The following GRIP1 variants were observed in gnomAD, a reference collection of about 807,000 sequenced individuals.
GRIP1 encodes the protein glutamate receptor interacting protein 1, also known as glutamate receptor-interacting protein 1.
In GRIP1, 45 loss-of-function variants were observed where a neutral mutation model predicts 129.9. The observed-to-expected ratio is 0.35, with a 90% confidence interval of 0.27 to 0.44. The LOEUF (loss-of-function observed/expected upper bound fraction) is 0.44. GRIP1 is among the 20% of genes least tolerant of loss of function. GRIP1 has a pLI of 1.00. For missense variants in GRIP1, 1,196 were observed against 1,396.8 expected (o/e 0.86, Z 2.29); for synonymous variants, 530 against 520.8 (o/e 1.02, Z -0.24).
At chr12:66,414,643 T>C (rs1565714919) in intron 15 of GRIP1, among the ~76,000 whole-genome samples, 1 of 151,936 alleles carries the variant, frequency 6.6e-6, no homozygotes, top group Non-Finnish European at 1.5e-5. Context: ...GCCAAACCAA[T>C]CCTAAGCTAA....
chr12:67,027,099 T>C (rs957392716), intron 1 of GRIP1, among the ~76,000 whole-genome samples: 2 of 152,200 alleles, frequency 1.3e-5, no homozygotes, highest in African/African-American at 4.8e-5. Context: ...CAGATCTTTC[T>C]TAAACAAACA....
chr12:66,682,163 A>G (rs1371517640), upstream of GRIP1, among the ~76,000 whole-genome samples: 3 of 152,096 alleles, frequency 2.0e-5, no homozygotes, highest in Non-Finnish European at 4.4e-5. Flanking sequence ...CAGGGGGACA[A>G]ATTCAATTAA....
intron 7 of GRIP1, among the ~76,000 whole-genome samples, chr12:66,477,098 G>A (rs935671989): frequency 2.0e-5 from 3 of 152,160 alleles, no homozygotes; most frequent in African/African-American, 7.2e-5. Context: ...GTCCCTGTTT[G>A]CAGATGACAT....
rs370053823 is a variant in GRIP1 at position 66,767,753 on chromosome 12, C to T, written c.-420+36300G>A. On this transcript the variant is annotated intron_variant, in intron 1 of 4. Transcript: ENST00000538373. ...ACTCAATTGAGATGTAGGACCCTGC[C>T]ACGATGCTGGTGTGCCTCTCCTTAG... Among the ~76,000 whole-genome samples the T allele has an allele frequency of 5.3e-5, 8 of 152,278 alleles. No individual in the cohort carries two copies. The East Asian group carries it at 9.7e-4, about 18-fold the overall frequency.
intron 1 of GRIP1, among the ~76,000 whole-genome samples, chr12:66,903,516 T>G (rs541916018): frequency 5.3e-5 from 8 of 151,486 alleles, no homozygotes; most frequent in African/African-American, 1.9e-4. Flanking sequence ...TTAAAGAATA[T>G]CTCCAAAAAA....
chr12:66,998,421 T>TA (rs35980470), intron 1 of GRIP1, among the ~76,000 whole-genome samples: 10,066 of 148,632 alleles, frequency 0.068, 456 homozygotes, highest in Non-Finnish European at 0.1. Flanking sequence ...ACTTTTCTGA[T>TA]AAAAAAAAAT....
intron 1 of GRIP1, among the ~76,000 whole-genome samples, chr12:67,005,621 T>C (rs531022587): frequency 6.6e-6 from 1 of 152,122 alleles, no homozygotes; most frequent in Non-Finnish European, 1.5e-5. Flanking sequence ...ACACCAACCA[T>C]GGCCACTGCT....
At chr12:66,404,797 C>T (rs767276095) in intron 16 of GRIP1, among the ~76,000 whole-genome samples, 12 of 152,032 alleles carry the variant, frequency 7.9e-5, no homozygotes, top group Non-Finnish European at 1.5e-4. Flanking sequence ...TTTGGGAGGC[C>T]GAGGTGGGCA....
At chr12:66,385,649 G>A (rs920681596) in intron 19 of GRIP1, among the ~76,000 whole-genome samples, 10 of 151,632 alleles carry the variant, frequency 6.6e-5, no homozygotes, top group Middle Eastern at 3.4e-3. Flanking sequence ...TCACTCTATC[G>A]CCCAGGCTGG....
intron 1 of GRIP1, among the ~76,000 whole-genome samples, chr12:66,630,684 C>T (rs73127163): frequency 0.031 from 4,652 of 152,258 alleles, 117 homozygotes; most frequent in Middle Eastern, 0.048. Flanking sequence ...TGAGCAGAGA[C>T]TCAGAGTGGT....
At chr12:66,854,151 G>A (rs1592904257) in intron 1 of GRIP1, among the ~76,000 whole-genome samples, 1 of 151,952 alleles carries the variant, frequency 6.6e-6, no homozygotes, top group African/African-American at 2.4e-5. Flanking sequence ...CTTGGGAGGG[G>A]ACAGACAGAT....
At chr12:67,066,212 C>G (rs74840644) in intron 1 of GRIP1, among the ~76,000 whole-genome samples, 1 of 151,378 alleles carries the variant, frequency 6.6e-6, no homozygotes, top group Non-Finnish European at 1.5e-5. Flanking sequence ...TGTGTAGATA[C>G]GACATGAAAT....
chr12:66,999,990 G>C (rs2042527338), intron 1 of GRIP1, among the ~76,000 whole-genome samples: 1 of 152,032 alleles, frequency 6.6e-6, no homozygotes, highest in African/African-American at 2.4e-5. Flanking sequence ...ACATTCAGGA[G>C]CTCAAAGATT....
chr12:66,580,843 G>A (rs1312042032), intron 2 of GRIP1, among the ~76,000 whole-genome samples: 1 of 151,694 alleles, frequency 6.6e-6, no homozygotes, highest in Admixed American at 6.6e-5. Flanking sequence ...ACATTAGACA[G>A]ATCAACGAGA....
rs2040240579 is a variant in GRIP1 at position 66,868,393 on chromosome 12, T to G, written c.58+200657A>C. The stretch of plus-strand genomic sequence containing the variant: ...AATGAGACATCTTTTGGCAGGCATT[T>G]TATGCGTCATCTCAACGAATCCTCT... On this transcript the variant is annotated intron_variant, in intron 1 of 1. Transcript: ENST00000643019. Among the ~76,000 whole-genome samples, 4 of 152,066 alleles carry G rather than the reference T, an allele frequency of 2.6e-5. No homozygotes were observed. In the East Asian group the frequency reaches 7.7e-4, roughly 29 times the overall value.
At chr12:66,789,745 T>C (rs1320978819) in intron 1 of GRIP1, among the ~76,000 whole-genome samples, 1 of 152,152 alleles carries the variant, frequency 6.6e-6, no homozygotes, top group African/African-American at 2.4e-5. Flanking sequence ...CCCTTGAATA[T>C]AAAACTCTCA....
At chr12:66,727,285 A>C (rs1046648672) in intron 1 of GRIP1, among the ~76,000 whole-genome samples, 4 of 152,316 alleles carry the variant, frequency 2.6e-5, no homozygotes, top group South Asian at 4.1e-4. Context: ...CTCGCAGTGG[A>C]ATAGGTGGGG....
At chr12:66,963,236 G>A (rs2041948808) in intron 1 of GRIP1, among the ~76,000 whole-genome samples, 1 of 152,082 alleles carries the variant, frequency 6.6e-6, no homozygotes, top group Non-Finnish European at 1.5e-5. Context: ...GATCACCTGA[G>A]CCCAGCAAGT....
At chr12:66,683,349 A>C (rs1322342600), upstream of GRIP1, among the ~76,000 whole-genome samples, 3 of 152,112 alleles carry the variant, frequency 2.0e-5, no homozygotes, top group Non-Finnish European at 4.4e-5. Flanking sequence ...GGGTCAGACA[A>C]GGGAGATGTA....
Sources: allele counts gnomAD v4.1 joint callset (sites outside exome capture counted in the v4.1 genomes callset), GRCh38; gene constraint gnomAD v4.1.1; transcripts MANE v1.5; gene names NCBI Gene and HGNC (gene_info 2026-07-23, HGNC 2026-07-21).